UROC1: variants seen among roughly 807,000 people sequenced by gnomAD.
The protein encoded by UROC1 is urocanate hydratase.
UROC1 carries 79 observed loss-of-function variants against 89.5 expected under a neutral mutation model. The ratio of observed to expected loss-of-function variants is 0.88; its 90% CI spans 0.74 to 1.06. The LOEUF (loss-of-function observed/expected upper bound fraction) is 1.06. Ranked by LOEUF, UROC1 falls within the 50% of genes least tolerant of loss-of-function variation. UROC1 has a pLI of 0.00. For synonymous variants in UROC1, 361 were observed against 354.8 expected (o/e 1.02, Z -0.20); for missense variants, 885 against 907.8 (o/e 0.97, Z 0.32).
intron 18 of UROC1, among the ~76,000 whole-genome samples, chr3:126,487,745 C>T (rs1376863766): frequency 6.6e-6 from 1 of 152,220 alleles, no homozygotes; most frequent in Non-Finnish European, 1.5e-5. Flanking sequence ...ACCAAGACAC[C>T]AGGTCTCCTG....
chr3:126,487,819 G>A (rs2107533726), intron 18 of UROC1, among the ~76,000 whole-genome samples: 1 of 152,356 alleles, frequency 6.6e-6, no homozygotes, highest in South Asian at 2.1e-4. Flanking sequence ...GGTGGTCAGA[G>A]CAGGAAGGAG....
At chr3:126,501,999 C>T (rs989433896) in intron 9 of UROC1, 24 of 1,512,032 alleles carry the variant, frequency 1.6e-5, no homozygotes, top group Non-Finnish European at 2.1e-5. Context: ...TCTTCCTCAG[C>T]TCGGGGGTTG....
intron 17 of UROC1, 86 bp downstream of exon 17, chr3:126,489,190 C>G: frequency 7.5e-7 from 1 of 1,331,840 alleles, no homozygotes. Flanking sequence ...GAACATCTTT[C>G]GAAACATTGT....
rs55848140 is a variant in UROC1, at chr3:126,515,075, C to G, written c.126+2519G>C. 8.2e-3 allele frequency among the ~76,000 whole-genome samples: 1,246 copies of G among 152,192 alleles called. 7 individuals are homozygous for G. Among genetic ancestry groups the G allele is most frequent in the Non-Finnish European group, 0.014 (927 of 68,004 alleles). ...GGTGTCCTGACATTCAAGCAAAGGA[C>G]ATAACCCAGCAAAGCCCAGGTGGCC... is the stretch of plus-strand genomic sequence containing the variant. On this transcript the variant is annotated intron_variant, in intron 1 of 19. Coordinates refer to ENST00000290868, the MANE Select transcript of UROC1 (RefSeq NM_144639.3).
At chr3:126,508,503 T>C (rs1936121888) in intron 3 of UROC1, 28 bp from the exon 4 acceptor site, 3 of 1,603,604 alleles carry the variant, frequency 1.9e-6, no homozygotes, top group African/African-American at 2.7e-5. Flanking sequence ...TCATCTGAGA[T>C]GAGGGCCTGG....
intron 9 of UROC1, 116 bp from the exon 10 acceptor site, chr3:126,501,396 T>C: frequency 1.6e-6 from 2 of 1,247,056 alleles, no homozygotes; most frequent in Non-Finnish European, 2.3e-6. Flanking sequence ...AGAGGTGTTG[T>C]GTGCAAACGT....
In UROC1 at chr3:126,506,934, C is replaced by G. The variant is rs552429184; in HGVS notation, c.602+808G>C. Among the ~76,000 whole-genome samples the G allele has an allele frequency of 5.9e-5, 9 of 152,214 alleles. No individual in the cohort carries two copies. The South Asian group carries it at 1.9e-3, about 32-fold the overall frequency. On this transcript the variant is annotated intron_variant, in intron 6 of 19. Transcript: ENST00000290868. Reference sequence around the variant, plus strand: ...CTCTACTAAAAATACAAAAAACTAGCTGGCCGTGGTAGTACATGCCTGTAA... The same window carrying G: ...CTCTACTAAAAATACAAAAAACTAGGTGGCCGTGGTAGTACATGCCTGTAA...
rs79233173 is a variant in UROC1 at position 126,498,227 on chromosome 3, G to C, written c.1317-55C>G. On this transcript the variant is annotated intron_variant, in intron 13 of 19. Transcript: ENST00000290868. The stretch of plus-strand genomic sequence containing the variant: ...GCCCGCTGGCTTGTTGGGGGAGGGG[G>C]TGCAGGTGTGAGCATGCCAGGGAGG... The C allele has an allele frequency of 1.9e-6, 3 of 1,612,782 alleles. No homozygotes were observed. In the East Asian group the frequency reaches 6.7e-5, roughly 36 times the overall value.
intron 9 of UROC1, among the ~76,000 whole-genome samples, chr3:126,503,327 G>C (rs1935979845): frequency 1.3e-5 from 2 of 152,242 alleles, no homozygotes; most frequent in Admixed American, 1.3e-4. Flanking sequence ...GGCAACCACT[G>C]CACCGATGTG....
chr3:126,483,582 C>T, intron 18 of UROC1, 114 bp from the exon 19 acceptor site: 1 of 967,468 alleles, frequency 1.0e-6, no homozygotes, highest in Non-Finnish European at 1.6e-6. Context: ...GTTGGGGCCG[C>T]CACACCGCCA....
At chr3:126,502,745 C>A (rs1935963172) in intron 9 of UROC1, among the ~76,000 whole-genome samples, 1 of 119,714 alleles carries the variant, frequency 8.4e-6, no homozygotes, top group South Asian at 3.1e-4. Flanking sequence ...TATGTGCATG[C>A]ATGTGTATGT....
intron 19 of UROC1, 59 bp from the exon 20 acceptor site, chr3:126,482,544 C>T (rs1407093615): frequency 9.3e-6 from 15 of 1,612,646 alleles, no homozygotes; most frequent in African/African-American, 5.3e-5. Flanking sequence ...CCACGTGAGT[C>T]TTGGCTCCCA....
Position 126,482,538 on chromosome 3 carries a change from G to A in UROC1, c.1891-53C>T, listed in dbSNP as rs1478688074. The stretch of plus-strand genomic sequence containing the variant: ...ATGTCAACATAACCGGGCTCCCCAC[G>A]TGAGTCTTGGCTCCCACACTTGGGG... On this transcript the variant is annotated intron_variant, in intron 19 of 19. Coordinates refer to ENST00000290868, the MANE Select transcript of UROC1 (RefSeq NM_144639.3). 50 of 1,612,726 alleles carry A rather than the reference G, an allele frequency of 3.1e-5. No individual in the cohort carries two copies. The South Asian group carries it at 4.6e-4, about 15-fold the overall frequency.
intron 1 of UROC1, among the ~76,000 whole-genome samples, chr3:126,513,800 T>G (rs781768193): frequency 2.0e-4 from 31 of 152,218 alleles, no homozygotes; most frequent in Non-Finnish European, 4.0e-4. Flanking sequence ...GTGGGGGGCA[T>G]AGTTAAGCAG....
intron 12 of UROC1, 82 bp downstream of exon 12, chr3:126,499,975 G>T: frequency 7.3e-7 from 1 of 1,367,584 alleles, no homozygotes; most frequent in Non-Finnish European, 1.0e-6. Context: ...CTCCGAGTGA[G>T]GTGGGAGCCA....
In UROC1 at chr3:126,506,003, T is replaced by C. The variant is rs1320746067; in HGVS notation, c.611A>G (p.Gln204Arg). 6.2e-7 allele frequency: 1 copy of C among 1,613,352 alleles called. No individual in the cohort carries two copies. Among genetic ancestry groups the C allele is most frequent in the South Asian group, 1.1e-5 (1 of 91,078 alleles). The stretch of plus-strand genomic sequence containing the variant: ...GTAGCAGTAGCTACCTGCTGTCATC[T>C]GGCCGTACCTGACCACAGGGAGAGA... ...LFALGVTMYG[Q>R]MTAGSYCYIG... is the part of the protein sequence containing the mutation. Residue 204 changes from glutamine (Q) to arginine (R), a missense_variant, in exon 7 of 20, where the codon CAG (glutamine) becomes CGG (arginine). Coordinates refer to ENST00000290868, the MANE Select transcript of UROC1 (RefSeq NM_144639.3).
At chr3:126,499,962 C>A in intron 12 of UROC1, 95 bp downstream of exon 12, 2 of 1,252,600 alleles carry the variant, frequency 1.6e-6, no homozygotes, top group Non-Finnish European at 1.2e-6. Flanking sequence ...CCACCCATGG[C>A]ACCTCCGAGT....
intron 6 of UROC1, among the ~76,000 whole-genome samples, chr3:126,507,422 A>G (rs1346096310): frequency 6.6e-6 from 1 of 151,944 alleles, no homozygotes; most frequent in Non-Finnish European, 1.5e-5. Flanking sequence ...TGATAAAGTG[A>G]GTATGGTAAG....
chr3:126,508,517 G>T (rs752606558), intron 3 of UROC1, 42 bp from the exon 4 acceptor site: 7 of 1,566,660 alleles, frequency 4.5e-6, no homozygotes, highest in Non-Finnish European at 4.4e-6. Flanking sequence ...GGCCTGGGAA[G>T]GGCCTATGGA....
Sources: gnomAD v4.1 joint callset for allele counts (sites outside exome capture counted in the v4.1 genomes callset) on GRCh38, gnomAD v4.1.1 for gene constraint, MANE v1.5 for transcripts, NCBI Gene and HGNC (gene_info 2026-07-23, HGNC 2026-07-21) for gene names.